MDGA2: variants seen among roughly 807,000 people sequenced by gnomAD.
MDGA2 encodes the protein MAM domain containing glycosylphosphatidylinositol anchor 2.
In MDGA2, 40 loss-of-function variants were observed where a neutral mutation model predicts 117.8. That is an observed-to-expected ratio of 0.34 (90% CI 0.26 to 0.44). The LOEUF (loss-of-function observed/expected upper bound fraction) is 0.44, where lower values mean the gene tolerates loss of function less well. MDGA2 is among the 20% of genes least tolerant of loss of function. MDGA2 has a pLI of 1.00. For missense variants in MDGA2, 1,123 were observed against 1,250.6 expected, an observed-to-expected ratio of 0.90 and a Z score of 1.54; for synonymous variants, 452 against 439.0, an observed-to-expected ratio of 1.03 and a Z score of -0.37.
At chr14:47,602,080 A>C (rs1413874569) in intron 1 of MDGA2, among the ~76,000 whole-genome samples, 2 of 152,196 alleles carry the variant, frequency 1.3e-5, no homozygotes, top group African/African-American at 4.8e-5. Context: ...AACCTAAGAA[A>C]GCTCCTCTCG....
At chr14:47,332,878 A>G (rs1311548209) in intron 1 of MDGA2, among the ~76,000 whole-genome samples, 2 of 151,952 alleles carry the variant, frequency 1.3e-5, no homozygotes, top group Non-Finnish European at 1.5e-5. Context: ...CACATTATTT[A>G]GCTTCCACTA....
chr14:47,199,889 A>G (rs1197481506), intron 3 of MDGA2, among the ~76,000 whole-genome samples: 1 of 152,174 alleles, frequency 6.6e-6, no homozygotes, highest in African/African-American at 2.4e-5. Flanking sequence ...GCTGACCAAT[A>G]GTAAAAAGCA....
At chr14:46,937,055 C>CA (rs979584952) in intron 9 of MDGA2, among the ~76,000 whole-genome samples, 1 of 151,696 alleles carries the variant, frequency 6.6e-6, no homozygotes, top group Non-Finnish European at 1.5e-5. Context: ...AAGACTCTAC[C>CA]AAAAAAACTC....
At chr14:47,454,031 G>C (rs549535563) in intron 1 of MDGA2, among the ~76,000 whole-genome samples, 6 of 152,152 alleles carry the variant, frequency 3.9e-5, no homozygotes, top group Non-Finnish European at 7.4e-5. Flanking sequence ...TAAAATTATA[G>C]CATACATTAC....
chr14:47,570,444 T>C (rs1408301260), intron 1 of MDGA2, among the ~76,000 whole-genome samples: 1 of 152,192 alleles, frequency 6.6e-6, no homozygotes, highest in Non-Finnish European at 1.5e-5. Context: ...AGTATACTCA[T>C]GTGCAAAATG....
intron 9 of MDGA2, among the ~76,000 whole-genome samples, chr14:46,926,586 A>T (rs1028256608): frequency 6.6e-6 from 1 of 152,160 alleles, no homozygotes; most frequent in Non-Finnish European, 1.5e-5. Flanking sequence ...ATAAAAATAT[A>T]CGCAGCTCTC....
intron 1 of MDGA2, among the ~76,000 whole-genome samples, chr14:47,612,968 C>T (rs1896879732): frequency 6.6e-6 from 1 of 152,196 alleles, no homozygotes. Flanking sequence ...CCTCTGGAGA[C>T]CTACTGATAC....
At chr14:47,200,003 A>C (rs1885430640) in intron 3 of MDGA2, among the ~76,000 whole-genome samples, 1 of 100,676 alleles carries the variant, frequency 9.9e-6, no homozygotes, top group Non-Finnish European at 2.2e-5. Flanking sequence ...AAATGCAATG[A>C]ATAAGGGTAA....
In MDGA2 at chr14:47,089,123, C is replaced by T. The variant is rs564249324; in HGVS notation, c.1195+7731G>A. Among the ~76,000 whole-genome samples, 180 of 151,686 alleles carry T rather than the reference C, an allele frequency of 1.2e-3. 1 individual carries two copies. The highest frequency in any genetic ancestry group is 2.0e-3 in the Non-Finnish European group (135 of 67,910). ...TCCTGAGTATAAAAAGAAGGGATTC[C>T]GAATCTGGAAAGAATCCCTAGTACA... On this transcript the variant is annotated intron_variant, in intron 6 of 16. Transcript: ENST00000399232.
chr14:47,497,108 A>G (rs994565901), intron 1 of MDGA2, among the ~76,000 whole-genome samples: 7 of 152,184 alleles, frequency 4.6e-5, no homozygotes, highest in African/African-American at 1.7e-4. Context: ...GACTGGTGCC[A>G]GTCTGTGACC....
intron 1 of MDGA2, among the ~76,000 whole-genome samples, chr14:47,670,524 C>T (rs1898055049): frequency 6.6e-6 from 1 of 151,982 alleles, no homozygotes; most frequent in Admixed American, 6.6e-5. Context: ...CACAGTTAAC[C>T]CAAATGACTT....
At chr14:47,508,845 A>G (rs1250405926) in intron 1 of MDGA2, among the ~76,000 whole-genome samples, 1 of 150,460 alleles carries the variant, frequency 6.6e-6, no homozygotes, top group African/African-American at 2.5e-5. Flanking sequence ...ATGCCCGGCT[A>G]ATTTTTAAAT....
intron 7 of MDGA2, among the ~76,000 whole-genome samples, chr14:47,054,027 G>C (rs2138741945): frequency 6.6e-6 from 1 of 152,028 alleles, no homozygotes; most frequent in Middle Eastern, 3.4e-3. Flanking sequence ...TATCAATCAG[G>C]CTTTTTCTTA....
At chr14:46,843,205 TA>T (rs1416716309) in intron 16 of MDGA2, among the ~76,000 whole-genome samples, 1 of 152,176 alleles carries the variant, frequency 6.6e-6, no homozygotes, top group East Asian at 1.9e-4. Flanking sequence ...ATGAAGTCCC[TA>T]TGGGCTTTCA....
intron 1 of MDGA2, among the ~76,000 whole-genome samples, chr14:47,357,744 C>T (rs1319774758): frequency 6.6e-6 from 1 of 152,126 alleles, no homozygotes; most frequent in African/African-American, 2.4e-5. Flanking sequence ...TTTGTGTCTT[C>T]CAGACTTCAA....
chr14:47,493,901 T>G (rs1894225124), intron 1 of MDGA2, among the ~76,000 whole-genome samples: 1 of 152,192 alleles, frequency 6.6e-6, no homozygotes, highest in African/African-American at 2.4e-5. Context: ...GGTTTGGCTG[T>G]GTCCTCATCC....
intron 1 of MDGA2, among the ~76,000 whole-genome samples, chr14:47,580,630 G>A (rs1229856196): frequency 2.0e-5 from 3 of 151,780 alleles, no homozygotes; most frequent in African/African-American, 7.3e-5. Flanking sequence ...CTGAAAAGAG[G>A]AGACTACATG....
At chr14:47,590,517 G>T (rs376016840) in intron 1 of MDGA2, among the ~76,000 whole-genome samples, 3 of 151,900 alleles carry the variant, frequency 2.0e-5, no homozygotes, top group East Asian at 3.9e-4. Flanking sequence ...AAAATTGGAG[G>T]TCTGTCTTCA....
chr14:46,865,523 G>A (rs929833340), intron 14 of MDGA2, among the ~76,000 whole-genome samples: 1 of 152,066 alleles, frequency 6.6e-6, no homozygotes, highest in Admixed American at 6.6e-5. Context: ...TCAACATAGT[G>A]TTGGAAGTTC....
Sources: allele counts gnomAD v4.1 joint callset (sites outside exome capture counted in the v4.1 genomes callset), GRCh38; gene constraint gnomAD v4.1.1; transcripts MANE v1.5; gene names NCBI Gene and HGNC (gene_info 2026-07-23, HGNC 2026-07-21).